The following KDM5B variants were observed in gnomAD, a reference collection of about 807,000 sequenced individuals.
KDM5B encodes lysine-specific demethylase 5B.
Under a neutral mutation model 193.4 loss-of-function variants are expected in KDM5B, and 144 were observed. The ratio of observed to expected loss-of-function variants is 0.74; its 90% CI spans 0.65 to 0.86. The LOEUF is 0.86. Among genes scored for constraint, KDM5B ranks in the 40% least tolerant of loss-of-function variants. KDM5B has a pLI of 0.00. For synonymous variants in KDM5B, 668 were observed against 682.6 expected (o/e 0.98, Z 0.33); for missense variants, 1,833 against 1,886.9 (o/e 0.97, Z 0.53).
Position 202,726,433 on chromosome 1 carries a change from C to T in KDM5B, c.*2603G>A, listed in dbSNP as rs1286611258. On this transcript the variant is annotated 3_prime_UTR_variant, in exon 27 of 27. Coordinates refer to ENST00000367265, the MANE Select transcript of KDM5B (RefSeq NM_006618.5). ...AAGCCCTTTATTCTATATAAGAAAT[C>T]CCCCAAAGTCTAATCTGGAAGGAAA... 1.3e-5 allele frequency: 2 copies of T among 152,136 alleles called. No homozygotes were observed. Among genetic ancestry groups the T allele is most frequent in the Non-Finnish European group, 2.9e-5 (2 of 68,032 alleles). The allele number at this position is 152,136 out of a possible 1,614,324, so 9.4% of individuals were successfully genotyped here.
Position 202,808,311 on chromosome 1 carries a change from C to T in KDM5B, c.-6G>A. ...AGTGTGGTGGCCGCCTCCATCACCG[C>T]AGGCTGGGCAAGGGCGAGGCGAAGG... On this transcript the variant is annotated 5_prime_UTR_variant, in exon 1 of 27. Transcript: ENST00000367265. 1 of 1,584,782 alleles carries T rather than the reference C, an allele frequency of 6.3e-7. No homozygotes were observed. The highest frequency in any genetic ancestry group is 1.1e-5 in the South Asian group (1 of 88,768).
intron 7 of KDM5B, among the ~76,000 whole-genome samples, chr1:202,761,171 T>A (rs1656234359): frequency 6.6e-6 from 1 of 152,216 alleles, no homozygotes; most frequent in East Asian, 1.9e-4. Flanking sequence ...CCTGGCACGG[T>A]GGCTTAAGCC....
chr1:202,761,231 A>G (rs959558778), intron 7 of KDM5B, among the ~76,000 whole-genome samples: 2 of 152,102 alleles, frequency 1.3e-5, no homozygotes, highest in Non-Finnish European at 2.9e-5. Context: ...TGAAGCCAGG[A>G]GTTTGAGACC....
intron 23 of KDM5B, 99 bp from the exon 24 acceptor site, chr1:202,732,038 A>G (rs1306784918): frequency 2.0e-6 from 1 of 504,024 alleles, no homozygotes; most frequent in African/African-American, 2.2e-5. Context: ...GCAGGCAACC[A>G]GGGGAAAAAA....
chr1:202,734,502 A>G (rs921012106), intron 22 of KDM5B, among the ~76,000 whole-genome samples: 13 of 152,308 alleles, frequency 8.5e-5, no homozygotes, highest in Non-Finnish European at 1.6e-4. Flanking sequence ...GATAATACGT[A>G]GGGAGAATTC....
intron 1 of KDM5B, among the ~76,000 whole-genome samples, chr1:202,783,163 G>A (rs1657266623): frequency 6.6e-6 from 1 of 152,178 alleles, no homozygotes; most frequent in Non-Finnish European, 1.5e-5. Flanking sequence ...AGCTACTCAG[G>A]AGGCTGAGAC....
intron 2 of KDM5B, among the ~76,000 whole-genome samples, chr1:202,774,964 G>A (rs755724317): frequency 5.9e-5 from 9 of 152,090 alleles, no homozygotes; most frequent in African/African-American, 9.7e-5. Context: ...ATGGCCGGCC[G>A]GGCACGGTGG....
chr1:202,752,533 T>C (rs993067202), intron 12 of KDM5B, among the ~76,000 whole-genome samples: 1 of 152,212 alleles, frequency 6.6e-6, no homozygotes, highest in Non-Finnish European at 1.5e-5. Context: ...TTCCCATGAC[T>C]GTATAGTTGT....
chr1:202,746,795 A>G (rs1655578251), intron 14 of KDM5B, among the ~76,000 whole-genome samples: 1 of 152,214 alleles, frequency 6.6e-6, no homozygotes, highest in Non-Finnish European at 1.5e-5. Context: ...TGAGTTTGGG[A>G]AGATGCTGAG....
chr1:202,744,011 T>C (rs1655452989), intron 16 of KDM5B, among the ~76,000 whole-genome samples: 1 of 150,420 alleles, frequency 6.6e-6, no homozygotes, highest in South Asian at 2.1e-4. Context: ...AAAGAGCTTC[T>C]GCACAGCAAA....
intron 4 of KDM5B, chr1:202,767,271 A>G: frequency 6.2e-7 from 1 of 1,607,994 alleles, no homozygotes; most frequent in Non-Finnish European, 8.5e-7. Context: ...GGAAGGGTAT[A>G]GCAAACGCAG....
At chr1:202,764,989 A>G (rs1429694308) in intron 5 of KDM5B, among the ~76,000 whole-genome samples, 1 of 152,170 alleles carries the variant, frequency 6.6e-6, no homozygotes, top group Non-Finnish European at 1.5e-5. Context: ...AAACAAAGAG[A>G]AGTGTTTCTA....
chr1:202,767,531 A>C (rs1656523372), intron 4 of KDM5B: 2 of 641,754 alleles, frequency 3.1e-6, no homozygotes, highest in Non-Finnish European at 5.6e-6. Context: ...CAAGGACTGA[A>C]AGGATTCCCT....
chr1:202,785,093 T>C (rs548997558), intron 1 of KDM5B, among the ~76,000 whole-genome samples: 10 of 152,146 alleles, frequency 6.6e-5, no homozygotes, highest in African/African-American at 2.2e-4. Flanking sequence ...TTTCATTAAA[T>C]TGTAAAGTAA....
intron 22 of KDM5B, 139 bp from the exon 23 acceptor site, chr1:202,734,025 T>C: frequency 1.9e-6 from 2 of 1,062,954 alleles, no homozygotes; most frequent in Non-Finnish European, 2.7e-6. Flanking sequence ...TACTAAGCTG[T>C]GAGTGACCTG....
At chr1:202,734,331 G>C (rs1471994058) in intron 22 of KDM5B, among the ~76,000 whole-genome samples, 3 of 126,558 alleles carry the variant, frequency 2.4e-5, no homozygotes, top group African/African-American at 8.4e-5. Context: ...AAGCAAATCA[G>C]GTAAAGACCT....
chr1:202,804,224 G>A (rs1439230514), intron 1 of KDM5B, among the ~76,000 whole-genome samples: 3 of 150,868 alleles, frequency 2.0e-5, no homozygotes, highest in South Asian at 2.1e-4. Flanking sequence ...TCATAAATTC[G>A]TGAATTGTAT....
At chr1:202,737,605 T>TA (rs1420866292) in intron 20 of KDM5B, among the ~76,000 whole-genome samples, 2 of 152,122 alleles carry the variant, frequency 1.3e-5, no homozygotes, top group East Asian at 1.9e-4. Context: ...TGCATTATAT[T>TA]AAAAAAATGT....
intron 7 of KDM5B, among the ~76,000 whole-genome samples, chr1:202,761,528 G>C (rs1656249253): frequency 1.3e-5 from 2 of 152,104 alleles, no homozygotes; most frequent in Admixed American, 1.3e-4. Context: ...TTTTTATGGG[G>C]TATACTGTAT....
Sources: allele counts gnomAD v4.1 joint callset (sites outside exome capture counted in the v4.1 genomes callset), GRCh38; gene constraint gnomAD v4.1.1; transcripts MANE v1.5; gene names NCBI Gene and HGNC (gene_info 2026-07-23, HGNC 2026-07-21).